ROBO2: variants seen among roughly 807,000 people sequenced by gnomAD.
ROBO2 encodes the protein roundabout guidance receptor 2.
Under a neutral mutation model 160.8 loss-of-function variants are expected in ROBO2, and 53 were observed. The observed-to-expected ratio is 0.33, with a 90% CI of 0.26 to 0.41. ROBO2 has a LOEUF of 0.41. Ranked by LOEUF, ROBO2 falls within the 10% of genes least tolerant of loss-of-function variation. ROBO2 has a pLI of 1.00. For missense variants in ROBO2, 1,577 were observed against 1,722.4 expected (o/e 0.92, Z 1.49); for synonymous variants, 664 against 611.7 (o/e 1.09, Z -1.26).
At chr3:76,395,971 A>T (rs1415070611) in intron 2 of ROBO2, among the ~76,000 whole-genome samples, 1 of 152,192 alleles carries the variant, frequency 6.6e-6, no homozygotes, top group Non-Finnish European at 1.5e-5. Flanking sequence ...ACCTCATTTT[A>T]TGAGGCCAGC....
chr3:76,157,339 G>A (rs1366257882), intron 2 of ROBO2, among the ~76,000 whole-genome samples: 1 of 151,972 alleles, frequency 6.6e-6, no homozygotes, highest in East Asian at 1.9e-4. Flanking sequence ...GAGATTTGTG[G>A]GTCACTTTGG....
Position 76,693,004 on chromosome 3 carries a change from ATGTATATACACATATG to A in ROBO2, c.110-404999_110-404984del, listed in dbSNP as rs2092837960. On this transcript the variant is annotated intron_variant, in intron 2 of 26. Coordinates refer to the ROBO2 transcript ENST00000487694. ...TACACATATGTGTATGTATATATGTATGTATATACACATATGTGTATATACATACATAAGTCTCTCT... is the reference window on the plus strand; with the variant it reads ...TACACATATGTGTATGTATATATGTATGTATATACATACATAAGTCTCTCT... Among the ~76,000 whole-genome samples, 3 of 149,536 alleles carry A rather than the reference ATGTATATACACATATG, an allele frequency of 2.0e-5. No homozygotes were observed. The Admixed American group carries it at 2.0e-4, about 10-fold the overall frequency.
At chr3:76,723,441 G>A (rs1193496216) in intron 2 of ROBO2, among the ~76,000 whole-genome samples, 1 of 152,002 alleles carries the variant, frequency 6.6e-6, no homozygotes, top group African/African-American at 2.4e-5. Flanking sequence ...TTTAAACTTT[G>A]GCTCTTCCTT....
At chr3:77,044,949 C>A (rs1275140873) in intron 1 of ROBO2, among the ~76,000 whole-genome samples, 2 of 152,094 alleles carry the variant, frequency 1.3e-5, no homozygotes, top group Non-Finnish European at 2.9e-5. Flanking sequence ...TATTGCTTTT[C>A]TCCTTCTTCT....
intron 1 of ROBO2, among the ~76,000 whole-genome samples, chr3:77,047,848 C>A (rs993795619): frequency 2.0e-5 from 3 of 151,268 alleles, no homozygotes; most frequent in African/African-American, 7.3e-5. Context: ...TCGAGACTAT[C>A]CTGGCTAATA....
At chr3:76,672,527 G>A (rs1230090298) in intron 2 of ROBO2, among the ~76,000 whole-genome samples, 8 of 152,104 alleles carry the variant, frequency 5.3e-5, no homozygotes, top group South Asian at 2.1e-4. Flanking sequence ...AATGTTGTAC[G>A]TATAAAGTAT....
chr3:76,138,559 C>T (rs1319428865), intron 2 of ROBO2, among the ~76,000 whole-genome samples: 2 of 151,958 alleles, frequency 1.3e-5, no homozygotes, highest in Non-Finnish European at 2.9e-5. Context: ...AAGACCTAAG[C>T]ACCTCTTTTA....
chr3:76,040,730 G>A (rs932887804), intron 2 of ROBO2, among the ~76,000 whole-genome samples: 3 of 152,182 alleles, frequency 2.0e-5, no homozygotes, highest in Admixed American at 6.5e-5. Context: ...GCTCATGCCT[G>A]TAATCCCAGC....
chr3:77,524,897 A>T (rs2090981102), intron 6 of ROBO2, among the ~76,000 whole-genome samples: 1 of 151,206 alleles, frequency 6.6e-6, no homozygotes, highest in Non-Finnish European at 1.5e-5. Context: ...CACCTCTCTA[A>T]GACTGAAACC....
intron 2 of ROBO2, among the ~76,000 whole-genome samples, chr3:77,336,562 T>C (rs1437651090): frequency 6.6e-6 from 1 of 152,042 alleles, no homozygotes; most frequent in African/African-American, 2.4e-5. Flanking sequence ...CTTTCAATAG[T>C]AGTGTGGTGG....
intron 2 of ROBO2, among the ~76,000 whole-genome samples, chr3:76,082,028 C>G (rs182218867): frequency 6.6e-6 from 1 of 152,232 alleles, no homozygotes; most frequent in Non-Finnish European, 1.5e-5. Context: ...CGTTAATCTC[C>G]TTTCTTCACT....
At chr3:77,191,185 T>C (rs2081808080) in intron 2 of ROBO2, among the ~76,000 whole-genome samples, 1 of 152,170 alleles carries the variant, frequency 6.6e-6, no homozygotes, top group Non-Finnish European at 1.5e-5. Context: ...CATGTATTAA[T>C]GACTTACTGG....
chr3:77,477,535 C>G (rs1364783552), exon 3 of ROBO2: 27 of 1,613,860 alleles, frequency 1.7e-5, no homozygotes, highest in Non-Finnish European at 2.0e-5. Flanking sequence ...GGAAAAAAGA[C>G]AAAGTTCGAA....
intron 1 of ROBO2, among the ~76,000 whole-genome samples, chr3:77,086,146 C>T (rs1033802706): frequency 3.3e-5 from 5 of 151,888 alleles, no homozygotes; most frequent in South Asian, 2.1e-4. Context: ...TTAAAAAGGC[C>T]GTTATCTTAT....
chr3:77,563,071 C>A, intron 10 of ROBO2, 96 bp from the exon 12 acceptor site: 1 of 1,125,022 alleles, frequency 8.9e-7, no homozygotes. Context: ...TTCTCACTGT[C>A]TAGGTCAGGT....
rs535225479 is a variant in ROBO2, at chr3:76,022,439, CT to C, written c.109+84839del. Among the ~76,000 whole-genome samples the C allele has an allele frequency of 2.4e-4, 37 of 151,762 alleles. No individual in the cohort carries two copies. In the East Asian group the frequency reaches 6.8e-3, roughly 28 times the overall value. The stretch of plus-strand genomic sequence containing the variant: ...GAGGAGTCATTATGGCAGCAATAAC[CT>C]TATCATATTTAGTTCTTATGTAATA... On this transcript the variant is annotated intron_variant, in intron 2 of 26. Transcript: ENST00000487694.
intron 2 of ROBO2, among the ~76,000 whole-genome samples, chr3:77,026,201 AGG>A (rs1329366695): frequency 3.3e-5 from 5 of 152,192 alleles, no homozygotes. Context: ...CTTAATATCT[AGG>A]GATAAATTTT....
intron 2 of ROBO2, among the ~76,000 whole-genome samples, chr3:76,890,936 G>T (rs935969418): frequency 6.6e-6 from 1 of 152,218 alleles, no homozygotes; most frequent in South Asian, 2.1e-4. Context: ...AATGATGTTT[G>T]TTGAAGGTTT....
intron 2 of ROBO2, among the ~76,000 whole-genome samples, chr3:77,179,956 A>G (rs1579696129): frequency 6.6e-6 from 1 of 152,232 alleles, no homozygotes; most frequent in East Asian, 1.9e-4. Context: ...AGTGGCTCCC[A>G]TGGAATGACA....
Sources: gnomAD v4.1 joint callset for allele counts (sites outside exome capture counted in the v4.1 genomes callset) on GRCh38, gnomAD v4.1.1 for gene constraint, MANE v1.5 for transcripts, NCBI Gene and HGNC (gene_info 2026-07-23, HGNC 2026-07-21) for gene names.